XRCC4: variants seen among roughly 807,000 people sequenced by gnomAD.
XRCC4 encodes DNA repair protein XRCC4.
Under a neutral mutation model 39.1 loss-of-function variants are expected in XRCC4, and 28 were observed. The ratio of observed to expected loss-of-function variants is 0.72; its 90% confidence interval spans 0.53 to 0.98. The LOEUF (loss-of-function observed/expected upper bound fraction) is 0.98, where lower values mean the gene tolerates loss of function less well. XRCC4 is among the 50% of genes least tolerant of loss of function. The pLI is 0.00. For missense variants in XRCC4, 350 were observed against 376.4 expected (o/e 0.93, Z 0.58); for synonymous variants, 123 against 126.4 (o/e 0.97, Z 0.18).
At chr5:83,157,380 T>C (rs1055216848) in intron 3 of XRCC4, among the ~76,000 whole-genome samples, 2 of 152,112 alleles carry the variant, frequency 1.3e-5, no homozygotes, top group African/African-American at 4.8e-5. Context: ...ACTGTTACTC[T>C]GTAAATAGAG....
At chr5:83,291,474 G>GA (rs1223234480) in intron 7 of XRCC4, among the ~76,000 whole-genome samples, 2 of 151,630 alleles carry the variant, frequency 1.3e-5, no homozygotes. Context: ...AAAGAACAAT[G>GA]AAAAAAATAG....
chr5:83,295,598 C>T (rs748250177), intron 7 of XRCC4, among the ~76,000 whole-genome samples: 1 of 151,980 alleles, frequency 6.6e-6, no homozygotes, highest in Non-Finnish European at 1.5e-5. Context: ...AGAAAGTACT[C>T]ATCTTTTTAG....
chr5:83,167,164 G>A (rs529492952), intron 3 of XRCC4, among the ~76,000 whole-genome samples: 103 of 152,076 alleles, frequency 6.8e-4, no homozygotes, highest in African/African-American at 2.4e-3. Context: ...TTACAGGCAT[G>A]AGCTACTGAA....
At chr5:83,152,265 A>AG (rs1362265618) in intron 3 of XRCC4, among the ~76,000 whole-genome samples, 1 of 152,260 alleles carries the variant, frequency 6.6e-6, no homozygotes, top group Non-Finnish European at 1.5e-5. Context: ...AAGGTTTTTT[A>AG]GGCAACTAAG....
intron 6 of XRCC4, among the ~76,000 whole-genome samples, chr5:83,243,312 C>A (rs547455617): frequency 5.3e-5 from 8 of 152,248 alleles, no homozygotes; most frequent in African/African-American, 1.7e-4. Context: ...TGGGGACTTA[C>A]CAACAGAAAT....
At chr5:83,279,050 AT>A (rs1476395620) in intron 7 of XRCC4, among the ~76,000 whole-genome samples, 2 of 145,866 alleles carry the variant, frequency 1.4e-5, no homozygotes, top group Admixed American at 1.4e-4. Context: ...TATATTATAT[AT>A]TTTTATAATA....
chr5:83,149,555 T>C (rs577733043), intron 3 of XRCC4, among the ~76,000 whole-genome samples: 2 of 152,298 alleles, frequency 1.3e-5, no homozygotes, highest in Admixed American at 1.3e-4. Flanking sequence ...TTTTTGTCTT[T>C]TGAAGCAGTG....
chr5:83,144,689 T>C (rs1748367033), intron 3 of XRCC4, among the ~76,000 whole-genome samples: 1 of 151,908 alleles, frequency 6.6e-6, no homozygotes, highest in South Asian at 2.1e-4. Context: ...CCTTTTCTTC[T>C]AAGACTTTAA....
At chr5:83,369,666 T>C in the XRCC4 span, among the ~76,000 whole-genome samples, 4 of 152,328 alleles carry the variant, frequency 2.6e-5, no homozygotes, top group South Asian at 8.3e-4. Context: ...GGCACCTGGG[T>C]TGATGCCATG....
At chr5:83,295,451 T>C (rs528327685) in intron 7 of XRCC4, among the ~76,000 whole-genome samples, 1 of 152,062 alleles carries the variant, frequency 6.6e-6, no homozygotes, top group African/African-American at 2.4e-5. Context: ...ACAGATACAA[T>C]AAATAATTGT....
At chr5:83,157,329 G>A (rs779590040) in intron 3 of XRCC4, among the ~76,000 whole-genome samples, 12 of 152,062 alleles carry the variant, frequency 7.9e-5, no homozygotes, top group East Asian at 5.8e-4. Context: ...GCCTATTGTC[G>A]GATGCCTGAA....
chr5:83,272,748 G>T (rs1754188423), intron 7 of XRCC4, among the ~76,000 whole-genome samples: 1 of 152,048 alleles, frequency 6.6e-6, no homozygotes, highest in Non-Finnish European at 1.5e-5. Context: ...CCTGCAAATG[G>T]CATTAACTCC....
intron 6 of XRCC4, among the ~76,000 whole-genome samples, chr5:83,212,167 TACTAA>T (rs1399487237): frequency 6.6e-6 from 1 of 152,080 alleles, no homozygotes; most frequent in Non-Finnish European, 1.5e-5. Context: ...CACATTTATA[TACTAA>T]ACTAAACAAA....
intron 3 of XRCC4, among the ~76,000 whole-genome samples, chr5:83,173,874 T>G (rs1749836938): frequency 6.6e-6 from 1 of 152,184 alleles, no homozygotes; most frequent in Non-Finnish European, 1.5e-5. Flanking sequence ...TGGGAAGAGT[T>G]TAGAACAAGT....
chr5:83,359,122 C>A, the XRCC4 span, among the ~76,000 whole-genome samples: 1 of 152,094 alleles, frequency 6.6e-6, no homozygotes, highest in Admixed American at 6.6e-5. Context: ...GAATACACAC[C>A]AGGTCTTGCA....
chr5:83,234,423 G>T (rs1307833151), intron 6 of XRCC4, among the ~76,000 whole-genome samples: 1 of 151,562 alleles, frequency 6.6e-6, no homozygotes, highest in Non-Finnish European at 1.5e-5. Flanking sequence ...TAGACATGAG[G>T]TCTCACTATG....
At chr5:83,162,923 CT>C (rs376434538) in intron 3 of XRCC4, among the ~76,000 whole-genome samples, 5,126 of 137,860 alleles carry the variant, frequency 0.037, 103 homozygotes, top group Middle Eastern at 0.047. Flanking sequence ...TTTCCTTTTT[CT>C]TTTTTTTTTC....
intron 3 of XRCC4, among the ~76,000 whole-genome samples, chr5:83,143,180 G>T (rs965529137): frequency 6.6e-6 from 1 of 152,044 alleles, no homozygotes; most frequent in Non-Finnish European, 1.5e-5. Context: ...CGAAAGTCCT[G>T]CTCCAGTGCT....
Position 83,240,922 on chromosome 5 carries a change from A to G in XRCC4, c.746-17608A>G, listed in dbSNP as rs28360200. On this transcript the variant is annotated intron_variant, in intron 6 of 7. Coordinates refer to ENST00000396027, the MANE Select transcript of XRCC4 (RefSeq NM_003401.5). ...TGCGAATGTCCCACTGCACTTTGTA[A>G]AAGTGATTCATTCACTGACTTAAAA... Among the ~76,000 whole-genome samples, 897 of 152,294 alleles carry G rather than the reference A, an allele frequency of 5.9e-3. 10 individuals carry two copies. The highest frequency in any genetic ancestry group is 0.021 in the African/African-American group (863 of 41,572).
Sources: gnomAD v4.1 joint callset for allele counts (sites outside exome capture counted in the v4.1 genomes callset) on GRCh38, gnomAD v4.1.1 for gene constraint, MANE v1.5 for transcripts, NCBI Gene and HGNC (gene_info 2026-07-23, HGNC 2026-07-21) for gene names.